Variants in ROBO1 observed in about 807,000 individuals in gnomAD.
ROBO1 encodes roundabout guidance receptor 1, also known as roundabout homolog 1.
A neutral mutation model predicts 195.9 loss-of-function variants in ROBO1; 149 were observed. That is an observed-to-expected ratio of 0.76 (90% confidence interval 0.67 to 0.87). The LOEUF is 0.87. Among genes scored for constraint, ROBO1 ranks in the 40% least tolerant of loss-of-function variants. The probability of loss-of-function intolerance (pLI) is 0.00; values close to 1 mark genes in which losing one functional copy is unlikely to be tolerated. For synonymous variants in ROBO1, 816 were observed against 733.2 expected (o/e 1.11, Z -1.82); for missense variants, 1,933 against 2,068.3 (o/e 0.93, Z 1.27).
At chr3:78,821,912 G>A (rs1000108334) in intron 4 of ROBO1, among the ~76,000 whole-genome samples, 3 of 152,090 alleles carry the variant, frequency 2.0e-5, no homozygotes, top group Non-Finnish European at 4.4e-5. Context: ...AATTCAGACA[G>A]AGAAGAAGAA....
At chr3:79,747,167 G>A (rs1014874268) in intron 1 of ROBO1, among the ~76,000 whole-genome samples, 1 of 151,850 alleles carries the variant, frequency 6.6e-6, no homozygotes, top group Non-Finnish European at 1.5e-5. Context: ...AGGTTTCAAC[G>A]GCTGATTAGA....
intron 2 of ROBO1, among the ~76,000 whole-genome samples, chr3:79,327,399 A>G (rs2034255658): frequency 6.6e-6 from 1 of 152,090 alleles, no homozygotes; most frequent in South Asian, 2.1e-4. Context: ...TAGAGAATAC[A>G]TGTTCAAGAA....
At chr3:79,429,075 G>C (rs1575814037) in intron 2 of ROBO1, among the ~76,000 whole-genome samples, 1 of 152,088 alleles carries the variant, frequency 6.6e-6, no homozygotes, top group South Asian at 2.1e-4. Flanking sequence ...TCATAGAAAT[G>C]TACAGCTATA....
At chr3:79,283,548 T>G (rs957497111) in intron 2 of ROBO1, among the ~76,000 whole-genome samples, 3 of 152,206 alleles carry the variant, frequency 2.0e-5, no homozygotes, top group Admixed American at 1.3e-4. Context: ...GAAGAAAAAT[T>G]TAGATTTTAT....
intron 4 of ROBO1, among the ~76,000 whole-genome samples, chr3:78,928,305 C>T (rs780210724): frequency 6.6e-6 from 1 of 152,064 alleles, no homozygotes; most frequent in Non-Finnish European, 1.5e-5. Context: ...CAGAACAAAA[C>T]GCCTTCTAGA....
intron 2 of ROBO1, among the ~76,000 whole-genome samples, chr3:79,144,486 CTT>C (rs2080602971): frequency 6.6e-6 from 1 of 151,668 alleles, no homozygotes; most frequent in African/African-American, 2.4e-5. Flanking sequence ...TCTTCTAAAT[CTT>C]TCTTTTCTTC....
chr3:79,679,906 T>A (rs1279102008), intron 1 of ROBO1, among the ~76,000 whole-genome samples: 1 of 152,028 alleles, frequency 6.6e-6, no homozygotes, highest in African/African-American at 2.4e-5. Context: ...CTGGATCCAA[T>A]GTTCTTGAGT....
At chr3:79,444,551 T>A (rs1486522288) in intron 2 of ROBO1, among the ~76,000 whole-genome samples, 1 of 152,148 alleles carries the variant, frequency 6.6e-6, no homozygotes, top group Non-Finnish European at 1.5e-5. Context: ...ATTTTTTCAT[T>A]GCATATGGAA....
chr3:79,423,973 C>T (rs1384835823), intron 2 of ROBO1, among the ~76,000 whole-genome samples: 2 of 151,722 alleles, frequency 1.3e-5, no homozygotes, highest in Non-Finnish European at 2.9e-5. Flanking sequence ...GAAGGTACCA[C>T]CTGGACCTTC....
At chr3:78,676,497 A>C (rs1708438146) in intron 10 of ROBO1, among the ~76,000 whole-genome samples, 1 of 152,244 alleles carries the variant, frequency 6.6e-6, no homozygotes, top group Non-Finnish European at 1.5e-5. Flanking sequence ...GATGGAGCTG[A>C]AAGCCAAAGC....
intron 2 of ROBO1, among the ~76,000 whole-genome samples, chr3:79,301,190 C>T (rs2032933072): frequency 6.6e-6 from 1 of 152,170 alleles, no homozygotes; most frequent in Admixed American, 6.5e-5. Flanking sequence ...CACTCCTGAG[C>T]CAGCGAGACC....
At chr3:79,021,924 T>C (rs895127356) in intron 3 of ROBO1, among the ~76,000 whole-genome samples, 9 of 152,178 alleles carry the variant, frequency 5.9e-5, no homozygotes, top group Admixed American at 2.6e-4. Context: ...CCTCCCAAAG[T>C]GCTGGGATTA....
At chr3:78,715,937 C>G (rs1470481332) in intron 7 of ROBO1, among the ~76,000 whole-genome samples, 1 of 152,198 alleles carries the variant, frequency 6.6e-6, no homozygotes, top group Admixed American at 6.5e-5. Context: ...CAAAGCCCCT[C>G]TTAGTTTCAA....
intron 1 of ROBO1, among the ~76,000 whole-genome samples, chr3:79,759,136 T>C (rs944562386): frequency 1.3e-5 from 2 of 152,300 alleles, no homozygotes; most frequent in East Asian, 3.9e-4. Context: ...TATGAGGTTT[T>C]TAATTGGAGA....
chr3:78,819,038 AT>A (rs1576228384), intron 4 of ROBO1, among the ~76,000 whole-genome samples: 2 of 152,286 alleles, frequency 1.3e-5, no homozygotes, highest in South Asian at 4.1e-4. Flanking sequence ...GTTTGGTACT[AT>A]CTGCCGTTTC....
At chr3:79,224,501 T>G (rs572523889) in intron 2 of ROBO1, among the ~76,000 whole-genome samples, 3 of 152,286 alleles carry the variant, frequency 2.0e-5, no homozygotes, top group African/African-American at 7.2e-5. Flanking sequence ...AATTAAGTTC[T>G]CAAATGACAC....
chr3:78,716,136 G>A (rs1270960906), intron 7 of ROBO1, among the ~76,000 whole-genome samples: 2 of 152,070 alleles, frequency 1.3e-5, no homozygotes, highest in Non-Finnish European at 2.9e-5. Flanking sequence ...CATTACTTAT[G>A]TGTCATGATT....
chr3:79,033,813 C>T (rs1211284629), intron 3 of ROBO1, among the ~76,000 whole-genome samples: 1 of 152,140 alleles, frequency 6.6e-6, no homozygotes, highest in Non-Finnish European at 1.5e-5. Context: ...TTAAAATACT[C>T]TGGTCTTCAT....
intron 2 of ROBO1, among the ~76,000 whole-genome samples, chr3:79,350,109 A>G (rs2035281072): frequency 2.0e-5 from 3 of 152,230 alleles, no homozygotes. Flanking sequence ...ACATAGTCCA[A>G]TTAATAAATG....
Sources: gnomAD v4.1 joint callset for allele counts (sites outside exome capture counted in the v4.1 genomes callset) on GRCh38, gnomAD v4.1.1 for gene constraint, MANE v1.5 for transcripts, NCBI Gene and HGNC (gene_info 2026-07-23, HGNC 2026-07-21) for gene names.